SNAP91: variants seen among roughly 807,000 people sequenced by gnomAD.
SNAP91 encodes the protein synaptosome associated protein 91, also known as clathrin coat assembly protein AP180.
SNAP91 carries 27 observed loss-of-function variants against 100.3 expected under a neutral mutation model. The ratio of observed to expected loss-of-function variants is 0.27; its 90% CI spans 0.20 to 0.37. SNAP91 has a LOEUF of 0.37. Among genes scored for constraint, SNAP91 ranks in the 10% least tolerant of loss-of-function variants. The probability of loss-of-function intolerance (pLI) is 1.00; values close to 1 mark genes in which losing one functional copy is unlikely to be tolerated. For synonymous variants in SNAP91, 404 were observed against 398.6 expected, an observed-to-expected ratio of 1.01 and a Z score of -0.16; for missense variants, 986 against 1,123.7, an observed-to-expected ratio of 0.88 and a Z score of 1.75.
chr6:83,634,061 C>G (rs1306888072), intron 8 of SNAP91, among the ~76,000 whole-genome samples: 1 of 152,078 alleles, frequency 6.6e-6, no homozygotes, highest in Non-Finnish European at 1.5e-5. Flanking sequence ...TGTAACAAAC[C>G]TGCACGTTGT....
At chr6:83,695,403 CA>C (rs1219303250) in intron 2 of SNAP91, among the ~76,000 whole-genome samples, 1 of 150,896 alleles carries the variant, frequency 6.6e-6, no homozygotes, top group Non-Finnish European at 1.5e-5. Context: ...TATACTTTAA[CA>C]AGCTCATTTT....
intron 7 of SNAP91, among the ~76,000 whole-genome samples, chr6:83,646,921 C>G (rs963023531): frequency 6.6e-6 from 1 of 151,994 alleles, no homozygotes; most frequent in Non-Finnish European, 1.5e-5. Context: ...AAGTTTATAC[C>G]TAAGTATTTC....
At chr6:83,559,894 A>G (rs1442470333) in intron 28 of SNAP91, among the ~76,000 whole-genome samples, 1 of 152,204 alleles carries the variant, frequency 6.6e-6, no homozygotes, top group Non-Finnish European at 1.5e-5. Flanking sequence ...TAGGAAGAGA[A>G]TGGAGGGATC....
chr6:83,688,936 C>T (rs1483440729), intron 2 of SNAP91, among the ~76,000 whole-genome samples: 7 of 152,182 alleles, frequency 4.6e-5, no homozygotes, highest in Admixed American at 1.3e-4. Flanking sequence ...CCACTAGAGG[C>T]TGCCGTGTCT....
intron 9 of SNAP91, among the ~76,000 whole-genome samples, chr6:83,618,669 T>C (rs868843520): frequency 8.6e-5 from 13 of 151,968 alleles, no homozygotes; most frequent in African/African-American, 1.2e-4. Flanking sequence ...AACTTCAAAA[T>C]TGTCATACTA....
At chr6:83,685,875 A>C (rs2099053356) in intron 2 of SNAP91, among the ~76,000 whole-genome samples, 1 of 152,184 alleles carries the variant, frequency 6.6e-6, no homozygotes, top group Non-Finnish European at 1.5e-5. Context: ...TACCGAATGC[A>C]TTCCCATATC....
At chr6:83,663,764 G>A (rs2098612144) in intron 3 of SNAP91, among the ~76,000 whole-genome samples, 1 of 152,092 alleles carries the variant, frequency 6.6e-6, no homozygotes, top group African/African-American at 2.4e-5. Context: ...TCATGAAGGT[G>A]GCTACATGAA....
chr6:83,620,761 G>C (rs1477534285), intron 9 of SNAP91, among the ~76,000 whole-genome samples: 1 of 151,906 alleles, frequency 6.6e-6, no homozygotes, highest in Non-Finnish European at 1.5e-5. Flanking sequence ...GCCCAGGCTG[G>C]AGTACAGTGG....
At chr6:83,619,271 C>T (rs545162646) in intron 9 of SNAP91, among the ~76,000 whole-genome samples, 1 of 152,096 alleles carries the variant, frequency 6.6e-6, no homozygotes, top group Non-Finnish European at 1.5e-5. Context: ...CATGTAAAAT[C>T]AAACAGAAAT....
chr6:83,615,262 G>T (rs1211322298), intron 10 of SNAP91, among the ~76,000 whole-genome samples: 1 of 152,200 alleles, frequency 6.6e-6, no homozygotes, highest in Non-Finnish European at 1.5e-5. Context: ...AACAAGGGAA[G>T]GGTGTGGCCC....
chr6:83,589,279 G>A (rs2093371046), intron 22 of SNAP91, among the ~76,000 whole-genome samples: 1 of 152,168 alleles, frequency 6.6e-6, no homozygotes, highest in Non-Finnish European at 1.5e-5. Context: ...AGGCAAACTA[G>A]CAGTTTATTT....
chr6:83,686,098 T>C (rs180815477), intron 2 of SNAP91: 177 of 908,350 alleles, frequency 1.9e-4, no homozygotes, highest in Admixed American at 1.4e-3. Flanking sequence ...TAAATGTTTG[T>C]TGTGAACCTG....
At chr6:83,654,849 C>A (rs1189352715) in intron 7 of SNAP91, among the ~76,000 whole-genome samples, 1 of 152,130 alleles carries the variant, frequency 6.6e-6, no homozygotes, top group Non-Finnish European at 1.5e-5. Context: ...AGAAGAAAAT[C>A]AATGTAGCTC....
intron 26 of SNAP91, among the ~76,000 whole-genome samples, chr6:83,563,536 C>G (rs188780225): frequency 3.9e-5 from 6 of 152,234 alleles, no homozygotes; most frequent in African/African-American, 1.4e-4. Context: ...AAATGGCATC[C>G]AGGTGGGAAA....
At chr6:83,669,327 A>T (rs973503115) in intron 2 of SNAP91, among the ~76,000 whole-genome samples, 16 of 151,996 alleles carry the variant, frequency 1.1e-4, no homozygotes, top group Admixed American at 2.0e-4. Flanking sequence ...TAAAGAATTT[A>T]AAAAAATAAA....
intron 26 of SNAP91, among the ~76,000 whole-genome samples, chr6:83,573,678 C>A (rs1454707574): frequency 6.6e-6 from 1 of 152,104 alleles, no homozygotes; most frequent in African/African-American, 2.4e-5. Flanking sequence ...CTTTGACAAA[C>A]CTGACAAAAA....
chr6:83,661,449 A>C lies in SNAP91; in HGVS notation c.452+53T>G, dbSNP rs1019714885. On this transcript the variant is annotated intron_variant, in intron 5 of 29. Coordinates refer to ENST00000369694, the MANE Select transcript of SNAP91 (RefSeq NM_001242792.2). ...TAAGCTTAGTTAAAATAAATCAAGT[A>C]TGCCTCAAAGACTTATTCTCCTCTA... is the stretch of plus-strand genomic sequence containing the variant. 1.7e-5 allele frequency: 19 copies of C among 1,087,632 alleles called. No homozygotes were observed. In the Middle Eastern group the frequency reaches 6.2e-4, roughly 36 times the overall value. The allele number at this position is 1,087,632 out of a possible 1,614,324, so 67.4% of individuals were successfully genotyped here.
intron 11 of SNAP91, among the ~76,000 whole-genome samples, chr6:83,612,670 G>A (rs1314358157): frequency 1.3e-5 from 2 of 152,080 alleles, no homozygotes; most frequent in Admixed American, 1.3e-4. Flanking sequence ...GAGGTCAGGA[G>A]TTCGACACCA....
chr6:83,674,074 T>C (rs1431582272), intron 2 of SNAP91, among the ~76,000 whole-genome samples: 1 of 152,166 alleles, frequency 6.6e-6, no homozygotes, highest in African/African-American at 2.4e-5. Flanking sequence ...GTTTGTTTGT[T>C]TTGTTTTTAA....
Sources: allele counts gnomAD v4.1 joint callset (sites outside exome capture counted in the v4.1 genomes callset), GRCh38; gene constraint gnomAD v4.1.1; transcripts MANE v1.5; gene names NCBI Gene and HGNC (gene_info 2026-07-23, HGNC 2026-07-21).